DGCR2: variants seen among roughly 807,000 people sequenced by gnomAD.
DGCR2 encodes DiGeorge syndrome critical region gene 2, also known as integral membrane protein DGCR2/IDD.
A neutral mutation model predicts 51.6 loss-of-function variants in DGCR2; 24 were observed. The observed-to-expected ratio is 0.47, with a 90% CI of 0.34 to 0.65. The LOEUF (loss-of-function observed/expected upper bound fraction) is 0.65, where lower values mean the gene tolerates loss of function less well. Ranked by LOEUF, DGCR2 falls within the 30% of genes least tolerant of loss-of-function variation. DGCR2 has a pLI of 0.01. For synonymous variants in DGCR2, 340 were observed against 315.4 expected (o/e 1.08, Z -0.82); for missense variants, 765 against 772.1 (o/e 0.99, Z 0.11).
chr22:19,064,863 C>G lies in DGCR2; in HGVS notation c.533G>C (p.Trp178Ser). The G allele has an allele frequency of 6.2e-7, 1 of 1,613,672 alleles. No individual in the cohort carries two copies. The highest frequency in any genetic ancestry group is 8.5e-7 in the Non-Finnish European group (1 of 1,179,944). Residue 178 changes from tryptophan (W) to serine (S), a missense_variant, in exon 4 of 10, where the codon TGG (tryptophan) becomes TCG (serine). Transcript: ENST00000263196. The stretch of plus-strand genomic sequence containing the variant: ...CAGGACTCACTTGCGCTGGTCCTTC[C>G]AACCAAAGCTCCGCTCGGGCTGGTC... ...EWDQPERSFG[W>S]KDQRKLWVGY...
intron 2 of DGCR2, among the ~76,000 whole-genome samples, chr22:19,077,913 T>C (rs1032547410): frequency 1.3e-5 from 2 of 151,958 alleles, no homozygotes; most frequent in African/African-American, 4.8e-5. Context: ...ACTGCAATCT[T>C]CACGTTCTGG....
chr22:19,096,552 T>C (rs1262218407), intron 1 of DGCR2, among the ~76,000 whole-genome samples: 1 of 151,922 alleles, frequency 6.6e-6, no homozygotes, highest in Non-Finnish European at 1.5e-5. Flanking sequence ...TGTATCAAAA[T>C]ATCATATATA....
intron 1 of DGCR2, among the ~76,000 whole-genome samples, chr22:19,099,526 T>A (rs1333305300): frequency 6.6e-6 from 1 of 151,876 alleles, no homozygotes; most frequent in Non-Finnish European, 1.5e-5. Context: ...AAGACTGCAG[T>A]GAGTCACGAT....
intron 1 of DGCR2, among the ~76,000 whole-genome samples, chr22:19,095,223 G>A (rs7285610): frequency 0.18 from 26,848 of 152,040 alleles, 2,526 homozygotes; most frequent in South Asian, 0.28. Context: ...TTAGCCAGGC[G>A]TGGTGGTGCA....
chr22:19,103,872 C>A (rs1281593304), intron 1 of DGCR2, among the ~76,000 whole-genome samples: 2 of 150,880 alleles, frequency 1.3e-5, no homozygotes, highest in African/African-American at 4.9e-5. Context: ...ATAGCCAGAC[C>A]CTGACTCTAC....
In DGCR2 at chr22:19,038,175, G is replaced by A. The variant is rs2082391150; in HGVS notation, c.*690C>T. The A allele has an allele frequency of 6.6e-6, 1 of 152,516 alleles. No homozygotes were observed. The highest frequency in any genetic ancestry group is 6.5e-5 in the Admixed American group (1 of 15,308). 9.4% of individuals were successfully genotyped at this position (152,516 alleles called of 1,614,324 possible). ...GGTCAGGCCTCCTGCCACAGAGCTGGGCTGCAGAGCCCAGATGGAAAGACA... is the reference window on the plus strand; with the variant it reads ...GGTCAGGCCTCCTGCCACAGAGCTGAGCTGCAGAGCCCAGATGGAAAGACA... On this transcript the variant is annotated 3_prime_UTR_variant, in exon 10 of 10. Coordinates refer to ENST00000263196, the MANE Select transcript of DGCR2 (RefSeq NM_005137.3).
chr22:19,067,520 C>T (rs749106574), intron 3 of DGCR2, among the ~76,000 whole-genome samples: 3 of 151,914 alleles, frequency 2.0e-5, no homozygotes, highest in African/African-American at 4.8e-5. Flanking sequence ...TGGTGAAACC[C>T]GGTCTCTACT....
chr22:19,038,568 T>C lies in DGCR2; in HGVS notation c.*297A>G. ...GGCCCACAGTACCTTCTTCATTCCC[T>C]GCCTCTAACATGTGCGGTCTGAATG... On this transcript the variant is annotated 3_prime_UTR_variant, in exon 10 of 10. Transcript: ENST00000263196. The C allele has an allele frequency of 2.2e-6, 1 of 450,524 alleles. No homozygotes were observed. Among genetic ancestry groups the C allele is most frequent in the Non-Finnish European group, 4.0e-6 (1 of 252,616 alleles). The allele number at this position is 450,524 out of a possible 1,614,324, so 27.9% of individuals were successfully genotyped here.
chr22:19,089,588 G>GT, intron 1 of DGCR2, 98 bp from the exon 2 acceptor site: 1 of 1,299,528 alleles, frequency 7.7e-7, no homozygotes. Flanking sequence ...TTGTTTGTTT[G>GT]TTTGTTTTTG....
intron 1 of DGCR2, among the ~76,000 whole-genome samples, chr22:19,090,405 G>A (rs919109995): frequency 7.2e-5 from 11 of 152,052 alleles, no homozygotes; most frequent in Admixed American, 1.3e-4. Context: ...TAAAATCAGC[G>A]ATAAAATCCT....
rs140528526 is a variant in DGCR2, at chr22:19,057,358, C to T, written c.626-196G>A. Reference sequence around the variant, plus strand: ...GAGTCACCCCAGGTGCTGGGCCTAGCGGGAGCCACTCCTTGGAGCCTGCAA... The same window carrying T: ...GAGTCACCCCAGGTGCTGGGCCTAGTGGGAGCCACTCCTTGGAGCCTGCAA... On this transcript the variant is annotated intron_variant, in intron 5 of 9. Transcript: ENST00000263196. This position sits in a 1 kb window ranked among gnomAD's most constrained non-coding sequence, Gnocchi z 5.1. Among the ~76,000 whole-genome samples, 2 of 152,304 alleles carry T rather than the reference C, an allele frequency of 1.3e-5. No individual in the cohort carries two copies. The highest frequency in any genetic ancestry group is 2.4e-5 in the African/African-American group (1 of 41,576).
chr22:19,046,615 G>T, intron 7 of DGCR2: 1 of 217,634 alleles, frequency 4.6e-6, no homozygotes, highest in South Asian at 4.5e-5. Flanking sequence ...CTTAACACAT[G>T]ACATCCTATT....
At chr22:19,115,192 C>T (rs749536440) in intron 1 of DGCR2, among the ~76,000 whole-genome samples, 14 of 152,220 alleles carry the variant, frequency 9.2e-5, no homozygotes, top group Non-Finnish European at 1.5e-4. Flanking sequence ...GAAGGTCCAG[C>T]CACATCCTCA....
intron 2 of DGCR2, among the ~76,000 whole-genome samples, chr22:19,080,067 G>A (rs1169104226): frequency 6.6e-6 from 1 of 152,196 alleles, no homozygotes; most frequent in Non-Finnish European, 1.5e-5. Flanking sequence ...CTTGTATGAA[G>A]TGCCAGTGTC....
At chr22:19,039,312 T>C (rs560646106) in intron 9 of DGCR2, among the ~76,000 whole-genome samples, 191 bp from the exon 10 acceptor site, 2 of 152,274 alleles carry the variant, frequency 1.3e-5, no homozygotes, top group South Asian at 4.1e-4. Flanking sequence ...TGACACCTGT[T>C]GTACCTACTG....
At chr22:19,055,406 T>C (rs534466432) in intron 6 of DGCR2, among the ~76,000 whole-genome samples, 1 of 152,276 alleles carries the variant, frequency 6.6e-6, no homozygotes, top group East Asian at 1.9e-4. Context: ...AGGCATTCTG[T>C]AGAATATTGA....
intron 2 of DGCR2, among the ~76,000 whole-genome samples, chr22:19,082,904 C>A (rs1013737681): frequency 1.3e-5 from 2 of 152,092 alleles, no homozygotes; most frequent in Admixed American, 1.3e-4. Context: ...GCCTGGGCAA[C>A]GTGGCGAAAC....
chr22:19,041,625 G>T, intron 8 of DGCR2, 182 bp downstream of exon 8: 2 of 719,232 alleles, frequency 2.8e-6, no homozygotes, highest in Non-Finnish European at 4.6e-6. Context: ...GTGGCTCAAT[G>T]GGAATAAGGA....
chr22:19,112,145 C>T (rs892948511), intron 1 of DGCR2, among the ~76,000 whole-genome samples: 12 of 151,834 alleles, frequency 7.9e-5, no homozygotes, highest in Non-Finnish European at 1.6e-4. Flanking sequence ...TGGTGGCACG[C>T]ACCTGTAGTC....
Sources: allele counts gnomAD v4.1 joint callset (sites outside exome capture counted in the v4.1 genomes callset), GRCh38; gene constraint gnomAD v4.1.1; non-coding constraint Gnocchi (gnomAD v3.1); transcripts MANE v1.5; gene names NCBI Gene and HGNC (gene_info 2026-07-23, HGNC 2026-07-21).